Variants in DHX57 observed in about 807,000 individuals in gnomAD.
DHX57 encodes DExH-box helicase 57.
In DHX57, 105 loss-of-function variants were observed where a neutral mutation model predicts 156.2. The ratio of observed to expected loss-of-function variants is 0.67; its 90% confidence interval spans 0.57 to 0.79. DHX57 has a LOEUF of 0.79. Among genes scored for constraint, DHX57 ranks in the 30% least tolerant of loss-of-function variants. The pLI is 0.00. For missense variants in DHX57, 1,847 were observed against 1,661.9 expected (o/e 1.11, Z -1.94); for synonymous variants, 704 against 595.6 (o/e 1.18, Z -2.65).
intron 21 of DHX57, among the ~76,000 whole-genome samples, chr2:38,811,848 C>G (rs182537615): frequency 3.7e-4 from 56 of 152,310 alleles, no homozygotes; most frequent in Non-Finnish European, 2.9e-5. Context: ...ATATTGTCAC[C>G]TAAAACTTCT....
At chr2:38,828,266 G>T in intron 14 of DHX57, 74 bp downstream of exon 14, 1 of 1,153,612 alleles carries the variant, frequency 8.7e-7, no homozygotes, top group Non-Finnish European at 1.3e-6. Context: ...CTCTTCCAGG[G>T]TCTAAAGAGG....
rs75789837 is a variant in DHX57 at position 38,851,524 on chromosome 2, A to G, written c.2030+2530T>C. Among the ~76,000 whole-genome samples, 1,130 of 152,226 alleles carry G rather than the reference A, an allele frequency of 7.4e-3. 7 individuals carry two copies. Among genetic ancestry groups the G allele is most frequent in the Middle Eastern group, 0.041 (12 of 292 alleles). On this transcript the variant is annotated intron_variant, in intron 9 of 23. Transcript: ENST00000457308. ...TGTATACCCTTTCTTGTAAACTGGTATTTGTAAATATTTGAAGCACCCTTC... is the reference window on the plus strand; with the variant it reads ...TGTATACCCTTTCTTGTAAACTGGTGTTTGTAAATATTTGAAGCACCCTTC...
chr2:38,803,466 C>T (rs768475303), intron 22 of DHX57, among the ~76,000 whole-genome samples: 1 of 149,496 alleles, frequency 6.7e-6, no homozygotes, highest in Non-Finnish European at 1.5e-5. Context: ...TTGACATATT[C>T]TCACCACTTC....
chr2:38,813,379 T>G (rs1427377922), intron 21 of DHX57, among the ~76,000 whole-genome samples: 3 of 152,036 alleles, frequency 2.0e-5, no homozygotes, highest in Non-Finnish European at 4.4e-5. Flanking sequence ...ATACTAAGTT[T>G]TTTTTTTTTG....
chr2:38,866,822 A>G (rs1665097802), intron 2 of DHX57, among the ~76,000 whole-genome samples: 1 of 152,208 alleles, frequency 6.6e-6, no homozygotes. Flanking sequence ...ACACTATGGG[A>G]GGCCAAGGCA....
chr2:38,875,527 G>GCC (rs201923676), intron 1 of DHX57, among the ~76,000 whole-genome samples: 16 of 147,974 alleles, frequency 1.1e-4, no homozygotes, highest in African/African-American at 3.6e-4. Context: ...TTCACGCCCC[G>GCC]CCCCCCCCGG....
At chr2:38,810,594 G>A (rs1670191918) in intron 21 of DHX57, 2 of 605,614 alleles carry the variant, frequency 3.3e-6, no homozygotes, top group Admixed American at 2.0e-5. Context: ...GCTCCTGGCA[G>A]AGGATGTACA....
At chr2:38,848,489 G>T in intron 9 of DHX57, 87 bp from the exon 10 acceptor site, 1 of 1,333,926 alleles carries the variant, frequency 7.5e-7, no homozygotes, top group Non-Finnish European at 1.0e-6. Context: ...AGCAAGAAAT[G>T]TGTAAGATCT....
chr2:38,834,713 G>A (rs2124846514), intron 13 of DHX57, among the ~76,000 whole-genome samples: 1 of 152,196 alleles, frequency 6.6e-6, no homozygotes, highest in South Asian at 2.1e-4. Context: ...AGCAAAAGGT[G>A]AATTGCTCAA....
At chr2:38,873,277 C>T (rs1665440006) in intron 1 of DHX57, among the ~76,000 whole-genome samples, 1 of 152,112 alleles carries the variant, frequency 6.6e-6, no homozygotes, top group African/African-American at 2.4e-5. Flanking sequence ...AGGCGTGAGC[C>T]ACTGTGCCCA....
At chr2:38,840,813 A>G (rs748725686) in intron 12 of DHX57, among the ~76,000 whole-genome samples, 1 of 152,124 alleles carries the variant, frequency 6.6e-6, no homozygotes, top group Admixed American at 6.5e-5. Context: ...AAATTTTGAA[A>G]GAAGCCAAAG....
intron 1 of DHX57, among the ~76,000 whole-genome samples, chr2:38,869,413 A>C (rs964743614): frequency 3.9e-5 from 6 of 152,254 alleles, no homozygotes; most frequent in Non-Finnish European, 8.8e-5. Context: ...GTTTGCAGGA[A>C]GCAAACCAAG....
rs1291123721 is a variant in DHX57 at position 38,798,124 on chromosome 2, T to C, written c.*175A>G. The C allele has an allele frequency of 7.3e-6, 5 of 681,424 alleles. No individual in the cohort carries two copies. The highest frequency in any genetic ancestry group is 9.1e-6 in the Non-Finnish European group (4 of 440,950). 42.2% of individuals were successfully genotyped at this position (681,424 alleles called of 1,614,324 possible). ...ATTGTGCTGGGAGTGGCCAAGGCTT[T>C]GTTAGAAATGGCCCTAAGGGTATAT... On this transcript the variant is annotated 3_prime_UTR_variant, in exon 24 of 24. Coordinates refer to ENST00000457308, the MANE Select transcript of DHX57 (RefSeq NM_198963.3).
chr2:38,803,808 G>T (rs1371058009), intron 22 of DHX57, among the ~76,000 whole-genome samples: 2 of 136,292 alleles, frequency 1.5e-5, no homozygotes, highest in African/African-American at 5.5e-5. Context: ...TTGAGATGCA[G>T]TCTCGCTCTG....
chr2:38,800,526 C>G (rs988398325), intron 23 of DHX57, among the ~76,000 whole-genome samples: 4 of 152,102 alleles, frequency 2.6e-5, no homozygotes, highest in Non-Finnish European at 5.9e-5. Flanking sequence ...ACAGTTCGGA[C>G]CCTGCTCTAA....
Position 38,798,454 on chromosome 2 carries a change from G to A in DHX57, c.4018-12C>T. 2 of 1,606,614 alleles carry A rather than the reference G, an allele frequency of 1.2e-6. No homozygotes were observed. Among genetic ancestry groups the A allele is most frequent in the Non-Finnish European group, 1.7e-6 (2 of 1,177,138 alleles). ...ACCAGTTCAGCCACCTAAAATGAAA[G>A]CTACAATATAAGCAGTGCTTGGAGG... is the stretch of plus-strand genomic sequence containing the variant. On this transcript the variant is annotated splice_polypyrimidine_tract_variant and intron_variant, in intron 23 of 23. Coordinates refer to ENST00000457308, the MANE Select transcript of DHX57 (RefSeq NM_198963.3).
At chr2:38,821,632 G>T (rs1031577808) in intron 17 of DHX57, among the ~76,000 whole-genome samples, 1 of 152,146 alleles carries the variant, frequency 6.6e-6, no homozygotes, top group Non-Finnish European at 1.5e-5. Flanking sequence ...GTCGGAGGTT[G>T]CAGTGAGCCA....
At chr2:38,856,573 G>A (rs1008599898) in intron 6 of DHX57, 112 bp from the exon 7 acceptor site, 20 of 1,341,130 alleles carry the variant, frequency 1.5e-5, no homozygotes, top group African/African-American at 1.4e-4. Flanking sequence ...GTGCGATCAC[G>A]GCTCACTCCA....
intron 11 of DHX57, among the ~76,000 whole-genome samples, chr2:38,845,333 G>C (rs1336315814): frequency 1.3e-5 from 2 of 152,044 alleles, no homozygotes; most frequent in African/African-American, 2.4e-5. Flanking sequence ...GTGGGATAGG[G>C]CCCAGAAAAT....
Sources: gnomAD v4.1 joint callset for allele counts (sites outside exome capture counted in the v4.1 genomes callset) on GRCh38, gnomAD v4.1.1 for gene constraint, MANE v1.5 for transcripts, NCBI Gene and HGNC (gene_info 2026-07-23, HGNC 2026-07-21) for gene names.